The following SPTAN1 variants were observed in gnomAD, a reference collection of about 807,000 sequenced individuals.
SPTAN1 encodes spectrin alpha, non-erythrocytic 1, also known as spectrin alpha chain, non-erythrocytic 1.
SPTAN1 carries 61 observed loss-of-function variants against 331.3 expected under a neutral mutation model. That is an observed-to-expected ratio of 0.18 (90% CI 0.15 to 0.23). The LOEUF (loss-of-function observed/expected upper bound fraction) is 0.23, where lower values mean the gene tolerates loss of function less well. Ranked by LOEUF, SPTAN1 falls within the 10% of genes least tolerant of loss-of-function variation. The pLI, the probability that SPTAN1 is intolerant of heterozygous loss-of-function variation, is 1.00. For synonymous variants in SPTAN1, 1,153 were observed against 1,173.9 expected (o/e 0.98, Z 0.36); for missense variants, 2,043 against 3,147.9 (o/e 0.65, Z 8.40).
chr9:128,600,653 G>A (rs1854989658), intron 27 of SPTAN1, among the ~76,000 whole-genome samples: 1 of 152,160 alleles, frequency 6.6e-6, no homozygotes, highest in African/African-American at 2.4e-5. Context: ...ACAGGGAGAA[G>A]GTGTGTTTTT....
intron 3 of SPTAN1, 34 bp downstream of exon 3, chr9:128,568,931 C>T (rs1850347750): frequency 6.2e-7 from 1 of 1,613,286 alleles, no homozygotes; most frequent in East Asian, 2.2e-5. Context: ...TGGATGGCTT[C>T]ATCTGGGTGG....
chr9:128,588,815 G>A lies in SPTAN1; in HGVS notation c.2878G>A (p.Val960Met). 6.2e-7 allele frequency: 1 copy of A among 1,614,086 alleles called. No individual in the cohort carries two copies. Among genetic ancestry groups the A allele is most frequent in the Non-Finnish European group, 8.5e-7 (1 of 1,180,030 alleles). Residue 960 changes from valine to methionine, a missense_variant, in exon 21 of 57, where the codon GTG becomes ATG. This residue lies in a region of SPTAN1 where 1,038 missense variants were observed against 1,531.5 expected (regional missense o/e 0.68). Transcript: ENST00000372739. ...CCTTCCTTTGGATTTTTAGCAACAA[G>A]TGGCCCCCACGGATGATGAGACTGG... ...REQAQSCRQQ[V>M]APTDDETGKE... is the part of the protein sequence containing the mutation.
intron 38 of SPTAN1, 120 bp from the exon 39 acceptor site, chr9:128,611,989 T>G (rs1856622976): frequency 6.2e-7 from 1 of 1,601,066 alleles, no homozygotes; most frequent in Admixed American, 1.7e-5. Flanking sequence ...GGAATGCTAG[T>G]GAGAATGGCT....
At position 128,583,184 on chromosome 9, in the gene SPTAN1, G is replaced by A. The variant is rs763909010; in HGVS notation, c.1914G>A (p.Leu638=). 1 of 1,614,132 alleles carries A rather than the reference G, an allele frequency of 6.2e-7. No homozygotes were observed. Among genetic ancestry groups the A allele is most frequent in the Non-Finnish European group, 8.5e-7 (1 of 1,180,038 alleles). ...CCTTGGAGAAAGCTGGCCAAAAGCT[G>A]ATTGATGTCAACCACTATGCCAAGG... ...IDALEKAGQK[L]IDVNHYAKDE... is the part of the protein sequence containing the mutation. Residue 638 remains leucine, a synonymous_variant, in exon 15 of 57, where the codon CTG becomes CTA. Coordinates refer to ENST00000372739, the MANE Select transcript of SPTAN1 (RefSeq NM_001130438.3).
intron 45 of SPTAN1, among the ~76,000 whole-genome samples, chr9:128,623,317 C>T (rs1310086976): frequency 6.6e-6 from 1 of 151,576 alleles, no homozygotes; most frequent in African/African-American, 2.4e-5. Flanking sequence ...TCAAGTGATT[C>T]TCTCGCCTTG....
intron 1 of SPTAN1, among the ~76,000 whole-genome samples, chr9:128,557,806 T>C (rs1325479544): frequency 7.2e-6 from 1 of 139,708 alleles, no homozygotes; most frequent in Non-Finnish European, 1.6e-5. Context: ...TTTCTTTTTT[T>C]TTTTTTTTTT....
chr9:128,566,750 A>G lies in SPTAN1; in HGVS notation c.10A>G (p.Ser4Gly). The G allele has an allele frequency of 1.9e-6, 3 of 1,614,200 alleles. No individual in the cohort carries two copies. Among genetic ancestry groups the G allele is most frequent in the Non-Finnish European group, 2.5e-6 (3 of 1,180,036 alleles). MDP[S>G]GVKVLETAED... ...TTTGTCATTTCAGAAAATGGACCCA[A>G]GTGGGGTCAAAGTGCTGGAAACAGC... Residue 4 changes from serine (S) to glycine (G), a missense_variant, in exon 2 of 57, where the codon AGT (serine) becomes GGT (glycine). Physicochemically the swap from Ser to Gly is moderately conservative, Grantham distance 56 (BLOSUM62 0). Coordinates refer to ENST00000372739, the MANE Select transcript of SPTAN1 (RefSeq NM_001130438.3).
Position 128,615,767 on chromosome 9 carries a change from C to T in SPTAN1, c.5284C>T (p.Arg1762Ter). ...QKIKSMAASR[R>*]AKLNESHRLH... is the part of the protein sequence containing the mutation. ...GATCAAGAGCATGGCGGCCTCCCGGCGAGCCAAGCTGAATGAATCCCATCG... is the reference window on the plus strand; with the variant it reads ...GATCAAGAGCATGGCGGCCTCCCGGTGAGCCAAGCTGAATGAATCCCATCG... Residue 1762 changes from arginine (R) to a stop codon, truncating the protein, a stop_gained, in exon 41 of 57, where the codon CGA becomes TGA. Coordinates refer to ENST00000372739, the MANE Select transcript of SPTAN1 (RefSeq NM_001130438.3). LOFTEE classifies it high-confidence loss of function. The T allele has an allele frequency of 6.2e-7, 1 of 1,614,214 alleles. No homozygotes were observed. Among genetic ancestry groups the T allele is most frequent in the Non-Finnish European group, 8.5e-7 (1 of 1,180,042 alleles).
rs1369392656 is a variant in SPTAN1 at position 128,627,786 on chromosome 9, ATGCAGGGTCTG to A, written c.6690-135_6690-125del. 1 of 1,115,050 alleles carries A rather than the reference ATGCAGGGTCTG, an allele frequency of 9.0e-7. No individual in the cohort carries two copies. The highest frequency in any genetic ancestry group is 1.5e-5 in the African/African-American group (1 of 65,214). The allele number at this position is 1,115,050 out of a possible 1,614,324, so 69.1% of individuals were successfully genotyped here. A position where few individuals can be genotyped will look rare whatever the true frequency, so the allele number is the denominator to read the frequency against. ...CCCAGCCATGACTTGGTGACAGACGATGCAGGGTCTGTGCGTTGGGTACTGATGTTCTTGCT... is the reference window on the plus strand; with the variant it reads ...CCCAGCCATGACTTGGTGACAGACGATGCGTTGGGTACTGATGTTCTTGCT... On this transcript the variant is annotated intron_variant, in intron 50 of 56. Coordinates refer to ENST00000372739, the MANE Select transcript of SPTAN1 (RefSeq NM_001130438.3). This position sits in a 1 kb window ranked among gnomAD's most constrained non-coding sequence, Gnocchi z 4.9.
chr9:128,569,668 TGAGGC>T (rs1488424774), intron 3 of SPTAN1, among the ~76,000 whole-genome samples: 1 of 152,096 alleles, frequency 6.6e-6, no homozygotes, highest in Non-Finnish European at 1.5e-5. Context: ...CACATTGCAT[TGAGGC>T]CCAGCCTTTT....
intron 39 of SPTAN1, among the ~76,000 whole-genome samples, chr9:128,612,652 G>A (rs964057563): frequency 2.2e-4 from 33 of 152,212 alleles, no homozygotes; most frequent in Non-Finnish European, 4.7e-4. Context: ...TTGGCCAGGT[G>A]CAGTGGCTCA....
In SPTAN1 at chr9:128,605,452, C is replaced by CTT; in HGVS notation, c.4022_4023insTT (p.Gln1342CysfsTer27). The CTT allele has an allele frequency of 6.2e-7, 1 of 1,614,196 alleles. No homozygotes were observed. Among genetic ancestry groups the CTT allele is most frequent in the Non-Finnish European group, 8.5e-7 (1 of 1,180,032 alleles). On this transcript the variant is annotated frameshift_variant, in exon 31 of 57. Coordinates refer to ENST00000372739, the MANE Select transcript of SPTAN1 (RefSeq NM_001130438.3). LOFTEE classifies it high-confidence loss of function. ...GGCAAAGTTGGGTGACTCCCACGAC[C>CTT]TGCAGCGCTTCCTTAGCGATTTCCG...
In SPTAN1 at chr9:128,627,199, T is replaced by TGG; in HGVS notation, c.6577-182_6577-181dup. On this transcript the variant is annotated intron_variant, in intron 49 of 56. Transcript: ENST00000372739. The surrounding 1 kb of genome is among the most constrained non-coding windows in gnomAD (Gnocchi z 4.9). ...AGGTCCGCCTCTTCCTTGAAGCCCCTGGGGGGTGGGAACAGAGAAAGAACT... is the reference window on the plus strand; with the variant it reads ...AGGTCCGCCTCTTCCTTGAAGCCCCTGGGGGGGGTGGGAACAGAGAAAGAACT... 1 of 646,204 alleles carries TGG rather than the reference T, an allele frequency of 1.5e-6. No individual in the cohort carries two copies. The highest frequency in any genetic ancestry group is 2.8e-6 in the Non-Finnish European group (1 of 356,268). 40.0% of individuals were successfully genotyped at this position (646,204 alleles called of 1,614,324 possible).
chr9:128,630,097 C>G, intron 51 of SPTAN1: 1 of 720,830 alleles, frequency 1.4e-6, no homozygotes. Flanking sequence ...CAGCCCTGGC[C>G]CACACCAAGG....
At chr9:128,631,831 AAAATCTTTGGCC>A (rs1441464070) in intron 52 of SPTAN1, 2 of 407,606 alleles carry the variant, frequency 4.9e-6, no homozygotes, top group Non-Finnish European at 9.0e-6. Context: ...AAAATTTATA[AAAATCTTTGGCC>A]ACTGCTTCCT....
At chr9:128,603,624 C>G in intron 28 of SPTAN1, 34 bp downstream of exon 28, 1 of 1,612,968 alleles carries the variant, frequency 6.2e-7, no homozygotes, top group African/African-American at 1.3e-5. Context: ...CTGATCTCCC[C>G]TGGTTTTCTC....
chr9:128,613,283 A>G, intron 39 of SPTAN1, 98 bp from the exon 40 acceptor site: 1 of 942,848 alleles, frequency 1.1e-6, no homozygotes, highest in Middle Eastern at 2.1e-4. Context: ...TCAACTGTCC[A>G]AGCAAGGCCC....
intron 5 of SPTAN1, among the ~76,000 whole-genome samples, chr9:128,576,588 A>G (rs1564209848): frequency 1.3e-5 from 2 of 152,200 alleles, no homozygotes; most frequent in Non-Finnish European, 2.9e-5. Context: ...GCACATAACC[A>G]CCTTATAGAC....
chr9:128,588,764 C>A, intron 20 of SPTAN1, 45 bp from the exon 21 acceptor site: 2 of 1,611,372 alleles, frequency 1.2e-6, no homozygotes, highest in Non-Finnish European at 1.7e-6. Context: ...GATGACTCAG[C>A]GCGGACGTGT....
Sources: gnomAD v4.1 joint callset for allele counts (sites outside exome capture counted in the v4.1 genomes callset) on GRCh38, gnomAD v4.1.1 for gene constraint, gnomAD v4.1.1 regional missense constraint, Gnocchi (gnomAD v3.1) non-coding constraint, MANE v1.5 for transcripts, NCBI Gene and HGNC (gene_info 2026-07-23, HGNC 2026-07-21) for gene names.